KIDINS220: variants seen among roughly 807,000 people sequenced by gnomAD.
KIDINS220 encodes the protein kinase D interacting substrate 220, also known as kinase D-interacting substrate of 220 kDa.
A neutral mutation model predicts 157.6 loss-of-function variants in KIDINS220; 63 were observed. The observed-to-expected ratio is 0.40, with a 90% CI of 0.33 to 0.49. The LOEUF is 0.49. Ranked by LOEUF, KIDINS220 falls within the 20% of genes least tolerant of loss-of-function variation. The pLI is 0.66. For missense variants in KIDINS220, 1,772 were observed against 2,171.2 expected (o/e 0.82, Z 3.65); for synonymous variants, 732 against 783.6 (o/e 0.93, Z 1.10).
At chr2:8,751,769 C>T (rs908764260) in intron 22 of KIDINS220, 125 bp from the exon 23 acceptor site, 4 of 652,364 alleles carry the variant, frequency 6.1e-6, no homozygotes, top group African/African-American at 5.5e-5. Flanking sequence ...GGTCTAATTA[C>T]ACATCGGCTC....
chr2:8,761,937 C>A, intron 22 of KIDINS220, among the ~76,000 whole-genome samples: 1 of 152,108 alleles, frequency 6.6e-6, no homozygotes, highest in East Asian at 1.9e-4. Context: ...AAATCACAAA[C>A]CTTTACTGGA....
downstream of KIDINS220, chr2:8,724,459 G>A (rs1337746441): frequency 6.6e-6 from 1 of 152,182 alleles, no homozygotes; most frequent in Admixed American, 6.6e-5. The surrounding 1 kb of genome is among the most constrained non-coding windows in gnomAD (Gnocchi z 4.6). Context: ...TGTTGGCTAG[G>A]TTGGTCTTGA....
At chr2:8,810,334 C>T (rs1676105481) in intron 6 of KIDINS220, among the ~76,000 whole-genome samples, 1 of 152,152 alleles carries the variant, frequency 6.6e-6, no homozygotes, top group South Asian at 2.1e-4. Flanking sequence ...AGGTACAGGG[C>T]ACTGCATAGT....
chr2:8,821,588 G>A (rs1677967123), intron 2 of KIDINS220, among the ~76,000 whole-genome samples: 1 of 152,196 alleles, frequency 6.6e-6, no homozygotes, highest in Non-Finnish European at 1.5e-5. Flanking sequence ...CCATCTATCA[G>A]CCTTGAAATG....
Position 8,758,846 on chromosome 2 carries a change from G to A in KIDINS220, c.3012-7202C>T, listed in dbSNP as rs7561894. Among the ~76,000 whole-genome samples the A allele has an allele frequency of 5.9e-3, 905 of 152,262 alleles. 8 individuals carry two copies. The highest frequency in any genetic ancestry group is 0.02 in the African/African-American group (839 of 41,546). ...GAACATTAGCTTAGGGGGTCAGAAA[G>A]TAGACACTTTGTCTGCCACAGCCAA... is the stretch of plus-strand genomic sequence containing the variant. On this transcript the variant is annotated intron_variant, in intron 22 of 29. Transcript: ENST00000256707.
intron 27 of KIDINS220, among the ~76,000 whole-genome samples, chr2:8,735,527 C>T (rs1024065467): frequency 1.8e-4 from 27 of 151,672 alleles, no homozygotes; most frequent in Admixed American, 1.4e-3. Context: ...AGCAGGACTC[C>T]ATCTCAAAGA....
chr2:8,816,238 G>A (rs774056467), intron 4 of KIDINS220, among the ~76,000 whole-genome samples: 8 of 152,082 alleles, frequency 5.3e-5, no homozygotes, highest in Non-Finnish European at 7.3e-5. Flanking sequence ...CATTCATAAC[G>A]TATATTTTAT....
At chr2:8,748,123 G>GA (rs939649660) in intron 24 of KIDINS220, 123 bp from the exon 25 acceptor site, 22 of 456,972 alleles carry the variant, frequency 4.8e-5, no homozygotes, top group East Asian at 2.2e-4. Context: ...CAAAACAAAA[G>GA]AAAAAAAAGC....
chr2:8,730,689 C>CAGTA lies in KIDINS220; in HGVS notation c.*27_*30dup. ...CCAGGACAATTCTGTCATAAAGGTACAGTAACACTCTTCTCCTTTGCTTGT... is the reference window on the plus strand; with the variant it reads ...CCAGGACAATTCTGTCATAAAGGTACAGTAAGTAACACTCTTCTCCTTTGCTTGT... On this transcript the variant is annotated 3_prime_UTR_variant, in exon 30 of 30. Transcript: ENST00000256707. The CAGTA allele has an allele frequency of 6.3e-7, 1 of 1,596,600 alleles. No individual in the cohort carries two copies. Among genetic ancestry groups the CAGTA allele is most frequent in the Non-Finnish European group, 8.5e-7 (1 of 1,173,402 alleles).
chr2:8,757,845 G>A, intron 22 of KIDINS220: 1 of 1,389,692 alleles, frequency 7.2e-7, no homozygotes, highest in Admixed American at 1.8e-5. Context: ...CCTGGACTTG[G>A]AATTCTGTAT....
intron 1 of KIDINS220, among the ~76,000 whole-genome samples, chr2:8,836,273 C>G (rs10173234): frequency 6.6e-6 from 1 of 151,790 alleles, no homozygotes; most frequent in Admixed American, 6.6e-5. Flanking sequence ...CCTTCCACCA[C>G]CCCAGCTGGG....
chr2:8,757,386 ACAGT>A, intron 22 of KIDINS220: 1 of 1,122,086 alleles, frequency 8.9e-7, no homozygotes. Context: ...TACTAATGTC[ACAGT>A]CAGTTCAGTA....
intron 11 of KIDINS220, 47 bp downstream of exon 11, chr2:8,796,724 C>T (rs561060855): frequency 1.7e-5 from 24 of 1,440,784 alleles, no homozygotes; most frequent in Middle Eastern, 1.7e-4. Flanking sequence ...AGAGGTCAGT[C>T]GACCAACAGC....
intron 9 of KIDINS220, 37 bp from the exon 10 acceptor site, chr2:8,798,337 G>A: frequency 8.6e-7 from 1 of 1,156,218 alleles, no homozygotes. Flanking sequence ...CTTCATGTAA[G>A]ATACAATATT....
intron 1 of KIDINS220, among the ~76,000 whole-genome samples, chr2:8,833,463 T>C (rs1398551955): frequency 1.4e-5 from 2 of 146,922 alleles, no homozygotes; most frequent in East Asian, 4.0e-4. Context: ...TACATATTTA[T>C]GTTTTTTAAA....
rs1441354061 is a variant in KIDINS220 at position 8,812,445 on chromosome 2, T to C, written c.454A>G (p.Ile152Val). ...CCATTTTGCAGTAAAAGATGAACTA[T>C]ATCTGCATGGCCTCTCCCTGCTGCC... The part of the protein sequence containing the change: ...IWAAGRGHAD[I>V]VHLLLQNGAK... Residue 152 changes from isoleucine (I) to valine (V), a missense_variant, in exon 6 of 30, where the codon ATA (isoleucine) becomes GTA (valine). Coordinates refer to ENST00000256707, the MANE Select transcript of KIDINS220 (RefSeq NM_020738.4). The C allele has an allele frequency of 6.3e-7, 1 of 1,599,636 alleles. No homozygotes were observed. The highest frequency in any genetic ancestry group is 2.3e-5 in the East Asian group (1 of 43,630).
At chr2:8,787,268 T>C (rs576673457) in intron 15 of KIDINS220, among the ~76,000 whole-genome samples, 23 of 152,250 alleles carry the variant, frequency 1.5e-4, no homozygotes, top group Non-Finnish European at 8.8e-5. Flanking sequence ...TTTACCTTTA[T>C]TTTTCTCTTA....
chr2:8,826,272 G>C (rs1180356255), intron 2 of KIDINS220, among the ~76,000 whole-genome samples: 1 of 152,178 alleles, frequency 6.6e-6, no homozygotes, highest in Non-Finnish European at 1.5e-5. Flanking sequence ...ATCCCAAAGT[G>C]TGTGGGACAA....
chr2:8,815,822 C>T (rs923023530), intron 4 of KIDINS220, among the ~76,000 whole-genome samples: 1 of 152,178 alleles, frequency 6.6e-6, no homozygotes, highest in Admixed American at 6.5e-5. Flanking sequence ...ACTCTTTCTT[C>T]ATTTTGGTGC....
Sources: gnomAD v4.1 joint callset for allele counts (sites outside exome capture counted in the v4.1 genomes callset) on GRCh38, gnomAD v4.1.1 for gene constraint, Gnocchi (gnomAD v3.1) non-coding constraint, MANE v1.5 for transcripts, NCBI Gene and HGNC (gene_info 2026-07-23, HGNC 2026-07-21) for gene names.